Variants in MCC observed in about 807,000 individuals in gnomAD.
MCC encodes the protein MCC regulator of Wnt signaling pathway, also known as colorectal mutant cancer protein.
Under a neutral mutation model 116.2 loss-of-function variants are expected in MCC, and 90 were observed. The ratio of observed to expected loss-of-function variants is 0.77; its 90% CI spans 0.65 to 0.92. MCC has a LOEUF of 0.92. Ranked by LOEUF, MCC falls within the 40% of genes least tolerant of loss-of-function variation. The pLI is 0.00. For missense variants in MCC, 1,516 were observed against 1,312.2 expected (o/e 1.16, Z -2.40); for synonymous variants, 578 against 510.5 (o/e 1.13, Z -1.78).
chr5:113,385,169 A>G lies in MCC; in HGVS notation c.214T>C (p.Ser72Pro). ...MVCRQLNMEE[S>P]VAEIMNQLGA... ...AACTGGTTCATGATCTCAGCCACAG[A>G]CTCTTCCATATTCAGCTGGCGACAG... The change falls in exon 2 of 19, where the codon TCT becomes CCT. Residue 72 changes from serine to proline, a missense_variant. Physicochemically the swap from Ser to Pro is moderately conservative, Grantham distance 74 (BLOSUM62 -1). Transcript: ENST00000408903. The G allele has an allele frequency of 6.2e-7, 1 of 1,613,894 alleles. No homozygotes were observed.
intron 1 of MCC, among the ~76,000 whole-genome samples, chr5:113,442,534 T>C (rs1458623526): frequency 6.6e-6 from 1 of 152,242 alleles, no homozygotes; most frequent in Non-Finnish European, 1.5e-5. Flanking sequence ...TGGCTTTTGT[T>C]GCCATTGCTT....
chr5:113,158,464 G>A (rs923265979), intron 3 of MCC, among the ~76,000 whole-genome samples: 3 of 152,202 alleles, frequency 2.0e-5, no homozygotes, highest in Admixed American at 6.5e-5. Flanking sequence ...GCAGAGGAAA[G>A]GCAGTGTCAA....
intron 3 of MCC, among the ~76,000 whole-genome samples, chr5:113,249,121 C>T (rs1049026765): frequency 5.4e-5 from 8 of 148,744 alleles, no homozygotes; most frequent in African/African-American, 1.3e-4. Context: ...GGATTACAGG[C>T]GTGAGCCACC....
intron 3 of MCC, among the ~76,000 whole-genome samples, chr5:113,209,884 G>A (rs1763055618): frequency 6.6e-6 from 1 of 152,058 alleles, no homozygotes; most frequent in South Asian, 2.1e-4. Flanking sequence ...CAAAAAGGGG[G>A]GAAAGAAATT....
At chr5:113,120,132 T>C (rs758073467) in intron 6 of MCC, among the ~76,000 whole-genome samples, 1 of 152,192 alleles carries the variant, frequency 6.6e-6, no homozygotes, top group African/African-American at 2.4e-5. Context: ...TGATAAGCAA[T>C]TTCTAGGCTG....
At chr5:113,308,240 C>A (rs1296339337) in intron 3 of MCC, among the ~76,000 whole-genome samples, 1 of 152,158 alleles carries the variant, frequency 6.6e-6, no homozygotes, top group African/African-American at 2.4e-5. Context: ...ATCTTAACAA[C>A]TTTTTAACTC....
chr5:113,461,267 A>G (rs986332652), intron 1 of MCC, among the ~76,000 whole-genome samples: 2 of 152,220 alleles, frequency 1.3e-5, no homozygotes, highest in African/African-American at 4.8e-5. Context: ...ACTTAAAAAA[A>G]CAAACAATAA....
chr5:113,123,652 G>A lies in MCC; in HGVS notation c.885-826C>T, dbSNP rs548689935. Among the ~76,000 whole-genome samples the A allele has an allele frequency of 6.6e-5, 10 of 152,268 alleles. No individual in the cohort carries two copies. In the East Asian group the frequency reaches 7.7e-4, roughly 12 times the overall value. On this transcript the variant is annotated intron_variant, in intron 5 of 18. Coordinates refer to ENST00000408903, the MANE Select transcript of MCC (RefSeq NM_001085377.2). ...AATTGCAGTGTGTATTTCAGAGCACGTGTACTGTCCCCTTCCCACACCACC... is the reference window on the plus strand; with the variant it reads ...AATTGCAGTGTGTATTTCAGAGCACATGTACTGTCCCCTTCCCACACCACC...
chr5:113,097,790 T>C (rs1756118780), intron 8 of MCC, among the ~76,000 whole-genome samples: 2 of 152,176 alleles, frequency 1.3e-5, no homozygotes, highest in African/African-American at 4.8e-5. Context: ...CCCAGAGTGC[T>C]AGAAGTATAA....
At chr5:113,433,800 T>A in intron 1 of MCC, 1 of 1,613,972 alleles carries the variant, frequency 6.2e-7, no homozygotes. Flanking sequence ...AGTCGACGGC[T>A]TGCTGGGGAA....
intron 3 of MCC, among the ~76,000 whole-genome samples, chr5:113,193,874 T>G (rs6876116): frequency 0.54 from 82,552 of 151,916 alleles, 25,269 homozygotes; most frequent in Admixed American, 0.71. Context: ...GTTTTTTTTC[T>G]AAGGAATGAT....
chr5:113,435,116 T>C, intron 1 of MCC: 1 of 431,902 alleles, frequency 2.3e-6, no homozygotes, highest in Non-Finnish European at 4.2e-6. Flanking sequence ...GCCAGTAGGC[T>C]GGAGCAGACA....
At chr5:113,168,887 G>T (rs1760917202) in intron 3 of MCC, among the ~76,000 whole-genome samples, 1 of 152,142 alleles carries the variant, frequency 6.6e-6, no homozygotes, top group Non-Finnish European at 1.5e-5. Context: ...TTGACTAGTA[G>T]CAAGCAATAG....
intron 3 of MCC, among the ~76,000 whole-genome samples, chr5:113,263,486 G>A (rs1470786152): frequency 1.3e-5 from 2 of 152,156 alleles, no homozygotes; most frequent in Non-Finnish European, 2.9e-5. Context: ...TGCCTAGGAA[G>A]CTGCAAAATT....
At chr5:113,280,498 C>A (rs184033944) in intron 3 of MCC, among the ~76,000 whole-genome samples, 2 of 152,190 alleles carry the variant, frequency 1.3e-5, no homozygotes, top group Admixed American at 6.5e-5. Flanking sequence ...GGTGAACACA[C>A]TGTATTATAG....
chr5:113,063,032 G>A (rs778910222), intron 14 of MCC, among the ~76,000 whole-genome samples: 1 of 152,240 alleles, frequency 6.6e-6, no homozygotes, highest in African/African-American at 2.4e-5. Context: ...TATGCTCGAT[G>A]CTAAGATCCC....
Position 113,294,514 on chromosome 5 carries a change from G to C in MCC, c.627+46005C>G. Reference sequence around the variant, plus strand: ...TAGTCTAGACAGCCATTTTCACCCAGGACAGTTGCGAAGCGCAAACGGAGG... The same window carrying C: ...TAGTCTAGACAGCCATTTTCACCCACGACAGTTGCGAAGCGCAAACGGAGG... On this transcript the variant is annotated intron_variant, in intron 3 of 18. Coordinates refer to ENST00000408903, the MANE Select transcript of MCC (RefSeq NM_001085377.2). 6 of 1,510,390 alleles carry C rather than the reference G, an allele frequency of 4.0e-6. No individual in the cohort carries two copies. The South Asian group carries it at 5.2e-5, about 13-fold the overall frequency. The allele number at this position is 1,510,390 out of a possible 1,614,324, so 93.6% of individuals were successfully genotyped here.
intron 14 of MCC, among the ~76,000 whole-genome samples, chr5:113,061,819 G>T (rs1753241796): frequency 1.3e-5 from 2 of 152,164 alleles, no homozygotes; most frequent in Admixed American, 1.3e-4. Context: ...GATTTGCTGG[G>T]CCACATAAAG....
intron 16 of MCC, among the ~76,000 whole-genome samples, chr5:113,047,392 G>A (rs1752166330): frequency 6.6e-6 from 1 of 152,254 alleles, no homozygotes; most frequent in Admixed American, 6.5e-5. Flanking sequence ...GGTCTTGGGA[G>A]GGCTGGCCTG....
Sources: gnomAD v4.1 joint callset for allele counts (sites outside exome capture counted in the v4.1 genomes callset) on GRCh38, gnomAD v4.1.1 for gene constraint, MANE v1.5 for transcripts, NCBI Gene and HGNC (gene_info 2026-07-23, HGNC 2026-07-21) for gene names.